ZFHX4: variants seen among roughly 807,000 people sequenced by gnomAD.
ZFHX4 encodes zinc finger homeobox 4, also known as zinc finger homeobox protein 4.
In ZFHX4, 56 loss-of-function variants were observed where a neutral mutation model predicts 267.6. That is an observed-to-expected ratio of 0.21 (90% CI 0.17 to 0.26). The LOEUF (loss-of-function observed/expected upper bound fraction) is 0.26, where lower values mean the gene tolerates loss of function less well. ZFHX4 is among the 10% of genes least tolerant of loss of function. The pLI, the probability that ZFHX4 is intolerant of heterozygous loss-of-function variation, is 1.00. For missense variants in ZFHX4, 4,332 were observed against 4,420.0 expected (o/e 0.98, Z 0.56); for synonymous variants, 1,778 against 1,665.6 (o/e 1.07, Z -1.64).
chr8:76,833,504 T>TAA, intron 5 of ZFHX4, 98 bp downstream of exon 5: 1 of 884,412 alleles, frequency 1.1e-6, no homozygotes, highest in Admixed American at 2.3e-5. Flanking sequence ...CTGGAACTTC[T>TAA]CTAATTAGAT....
At chr8:76,777,486 T>C (rs1356685381) in intron 3 of ZFHX4, among the ~76,000 whole-genome samples, 1 of 152,186 alleles carries the variant, frequency 6.6e-6, no homozygotes, top group African/African-American at 2.4e-5. Context: ...AACTTTTTAG[T>C]GTATCTAACA....
chr8:76,852,532 G>A lies in ZFHX4; in HGVS notation c.5611G>A (p.Glu1871Lys). 1.2e-6 allele frequency: 2 copies of A among 1,609,510 alleles called. No individual in the cohort carries two copies. Among genetic ancestry groups the A allele is most frequent in the Non-Finnish European group, 1.7e-6 (2 of 1,177,736 alleles). Reference protein sequence around the residue: ...ISEKPEKPKQEFISEGEGLKE... With the variant: ...ISEKPEKPKQKFISEGEGLKE... ...TGAAAAGCCAGAAAAACCAAAGCAG[G>A]AATTTATAAGTGAAGGTGAAGGACT... is the stretch of plus-strand genomic sequence containing the variant. The change falls in exon 10 of 11, where the codon GAA (glutamate) becomes AAA (lysine). Residue 1871 changes from glutamate to lysine, a missense_variant. Glu to Lys is a moderately conservative substitution (Grantham distance 56, BLOSUM62 1). This residue lies in a region of ZFHX4 where 1,371 missense variants were observed against 1,423.1 expected (regional missense o/e 0.96). Transcript: ENST00000651372.
chr8:76,730,593 G>T (rs994816233), intron 3 of ZFHX4, among the ~76,000 whole-genome samples: 12 of 152,070 alleles, frequency 7.9e-5, no homozygotes, highest in African/African-American at 2.7e-4. Flanking sequence ...CAGATACTCG[G>T]GAGGCTGAGG....
chr8:76,856,573 T>C (rs1482793114), intron 10 of ZFHX4, among the ~76,000 whole-genome samples: 1 of 152,178 alleles, frequency 6.6e-6, no homozygotes, highest in Non-Finnish European at 1.5e-5. Context: ...GTCATAGAAA[T>C]ATTTTATTTT....
At chr8:76,796,540 G>A (rs1810984017) in intron 4 of ZFHX4, among the ~76,000 whole-genome samples, 1 of 152,044 alleles carries the variant, frequency 6.6e-6, no homozygotes, top group African/African-American at 2.4e-5. Context: ...TAATTCCCAT[G>A]ACTGCCACAC....
chr8:76,756,502 G>A (rs529205410), intron 3 of ZFHX4, among the ~76,000 whole-genome samples: 27 of 152,178 alleles, frequency 1.8e-4, no homozygotes, highest in African/African-American at 6.5e-4. Flanking sequence ...TTTGTTGGCT[G>A]TTAATGAAAT....
At chr8:76,790,815 G>T (rs1450187899) in intron 4 of ZFHX4, among the ~76,000 whole-genome samples, 4 of 152,074 alleles carry the variant, frequency 2.6e-5, no homozygotes, top group Non-Finnish European at 4.4e-5. Flanking sequence ...GAACAATTCA[G>T]TTACAGAAAC....
At chr8:76,794,311 A>G (rs538278976) in intron 4 of ZFHX4, among the ~76,000 whole-genome samples, 1 of 152,260 alleles carries the variant, frequency 6.6e-6, no homozygotes, top group East Asian at 1.9e-4. Flanking sequence ...TCAGCTGAAA[A>G]TGGACAACGA....
intron 5 of ZFHX4, among the ~76,000 whole-genome samples, chr8:76,835,245 A>ATATATGTGTATATATATATATGTG (rs1195708125): frequency 4.6e-5 from 6 of 129,172 alleles, no homozygotes; most frequent in Non-Finnish European, 1.6e-5. Context: ...ATATATGTAT[A>ATATATGTGTATATATATATATGTG]TATATATATA....
chr8:76,838,234 G>T (rs1812143050), intron 5 of ZFHX4, among the ~76,000 whole-genome samples: 1 of 152,214 alleles, frequency 6.6e-6, no homozygotes, highest in Non-Finnish European at 1.5e-5. Flanking sequence ...AAACTCAACA[G>T]AGAGGCAAAT....
chr8:76,833,466 C>A, intron 5 of ZFHX4, 60 bp downstream of exon 5: 1 of 1,286,238 alleles, frequency 7.8e-7, no homozygotes, highest in Non-Finnish European at 1.1e-6. Context: ...GCTTTTGTTA[C>A]TCTCATAATT....
chr8:76,768,494 A>G (rs1810147816), intron 3 of ZFHX4, among the ~76,000 whole-genome samples: 1 of 152,178 alleles, frequency 6.6e-6, no homozygotes, highest in Admixed American at 6.6e-5. Context: ...GGAAAGAGAA[A>G]GATGAGGGCA....
chr8:76,846,397 C>A (rs575816272), intron 6 of ZFHX4, among the ~76,000 whole-genome samples: 120 of 152,064 alleles, frequency 7.9e-4, no homozygotes, highest in Admixed American at 3.3e-3. Context: ...ACAAAATGGT[C>A]TTTAGGAGGC....
intron 4 of ZFHX4, among the ~76,000 whole-genome samples, chr8:76,828,992 T>C (rs1355848203): frequency 6.6e-6 from 1 of 152,092 alleles, no homozygotes; most frequent in African/African-American, 2.4e-5. Flanking sequence ...AGGTGAGATG[T>C]GGAGGTTTTG....
intron 3 of ZFHX4, 57 bp downstream of exon 3, chr8:76,708,105 C>G (rs1469220209): frequency 6.2e-7 from 1 of 1,600,152 alleles, no homozygotes; most frequent in Non-Finnish European, 8.5e-7. Context: ...TTAACTCTTT[C>G]AGAGCTTGGA....
Position 76,719,835 on chromosome 8 carries a change from C to A in ZFHX4, c.3093+11787C>A, listed in dbSNP as rs1053809548. Among the ~76,000 whole-genome samples the A allele has an allele frequency of 7.9e-5, 12 of 152,160 alleles. No individual in the cohort carries two copies. In the East Asian group the frequency reaches 2.1e-3, roughly 27 times the overall value. ...ATGGCAATCCCAATATTGAAGTATG[C>A]AGTTCTATAGGAAAATGTGACTGAA... On this transcript the variant is annotated intron_variant, in intron 3 of 10. Transcript: ENST00000651372.
intron 8 of ZFHX4, 174 bp downstream of exon 8, chr8:76,849,886 G>GA (rs1223620897): frequency 5.8e-6 from 4 of 685,276 alleles, no homozygotes; most frequent in Non-Finnish European, 7.3e-6. Context: ...CTTTTGCTTG[G>GA]AAAAAAATAT....
rs368641308 is a variant in ZFHX4, at chr8:76,704,567, T to A, written c.479T>A (p.Leu160His). ...QNAQTGANSK[L>H]FSTAMFLDSL... ...GCACAGACTGGGGCAAATAGCAAAC[T>A]CTTTTCTACAGCGATGTTCCTGGAC... Residue 160 changes from leucine (L) to histidine (H), a missense_variant, in exon 2 of 11, where the codon CTC becomes CAC. Leu to His is a moderately conservative substitution (Grantham distance 99, BLOSUM62 -3). Coordinates refer to ENST00000651372, the MANE Select transcript of ZFHX4 (RefSeq NM_024721.5). The A allele has an allele frequency of 4.3e-6, 7 of 1,613,820 alleles. No homozygotes were observed. The highest frequency in any genetic ancestry group is 1.7e-5 in the Admixed American group (1 of 60,006).
intron 3 of ZFHX4, among the ~76,000 whole-genome samples, chr8:76,772,622 C>T (rs1810293279): frequency 6.6e-6 from 1 of 152,128 alleles, no homozygotes; most frequent in Admixed American, 6.5e-5. Flanking sequence ...TCAATCTAGG[C>T]AGCACGACAT....
Sources: gnomAD v4.1 joint callset for allele counts (sites outside exome capture counted in the v4.1 genomes callset) on GRCh38, gnomAD v4.1.1 for gene constraint, gnomAD v4.1.1 regional missense constraint, MANE v1.5 for transcripts, NCBI Gene and HGNC (gene_info 2026-07-23, HGNC 2026-07-21) for gene names.